Variants in ANKRD50 observed in about 807,000 individuals in gnomAD.
The protein encoded by ANKRD50 is ankyrin repeat domain 50.
Under a neutral mutation model 112.0 loss-of-function variants are expected in ANKRD50, and 40 were observed. That is an observed-to-expected ratio of 0.36 (90% CI 0.28 to 0.46). ANKRD50 has a LOEUF of 0.46. Ranked by LOEUF, ANKRD50 falls within the 20% of genes least tolerant of loss-of-function variation. The pLI is 1.00. For synonymous variants in ANKRD50, 613 were observed against 619.1 expected (o/e 0.99, Z 0.15); for missense variants, 1,487 against 1,701.7 (o/e 0.87, Z 2.22).
intron 2 of ANKRD50, among the ~76,000 whole-genome samples, chr4:124,690,190 G>A (rs1280482580): frequency 6.6e-6 from 1 of 152,176 alleles, no homozygotes; most frequent in Non-Finnish European, 1.5e-5. Flanking sequence ...TTTGGAATAT[G>A]CCAAAATGTG....
rs1031335969 is a variant in ANKRD50 at position 124,671,660 on chromosome 4, A to G, written c.1617T>C (p.Asn539=). The G allele has an allele frequency of 6.2e-7, 1 of 1,613,718 alleles. No homozygotes were observed. Among genetic ancestry groups the G allele is most frequent in the Non-Finnish European group, 8.5e-7 (1 of 1,179,858 alleles). Residue 539 remains asparagine (N), a synonymous_variant, in exon 4 of 5, where the codon AAT becomes AAC. Transcript: ENST00000504087. The part of the protein sequence containing the change: ...RTLLDNGASV[N]QCDSNGRTLL... ...ATGTTCTCCCATTTGAATCACACTG[A>G]TTTACTGAAGCTCCATTATCTAATA... is the stretch of plus-strand genomic sequence containing the variant.
chr4:124,705,887 T>C (rs1725494528), intron 2 of ANKRD50, among the ~76,000 whole-genome samples: 1 of 152,044 alleles, frequency 6.6e-6, no homozygotes, highest in Admixed American at 6.6e-5. Context: ...AGTAAAAATA[T>C]AAACATCAAC....
Position 124,698,357 on chromosome 4 carries a change from G to A in ANKRD50, c.512+11643C>T, listed in dbSNP as rs184271886. 5.9e-4 allele frequency among the ~76,000 whole-genome samples: 90 copies of A among 151,430 alleles called. 1 individual carries two copies. Among genetic ancestry groups the A allele is most frequent in the Admixed American group, 3.1e-3 (47 of 15,214 alleles). ...GATGTTCTCTTCTAAATATACATAC[G>A]TGTGTGTGTATATATATGTTATTTA... On this transcript the variant is annotated intron_variant, in intron 2 of 4. Coordinates refer to ENST00000504087, the MANE Select transcript of ANKRD50 (RefSeq NM_020337.3).
chr4:124,708,978 A>G (rs1181840944), intron 2 of ANKRD50, among the ~76,000 whole-genome samples: 1 of 151,016 alleles, frequency 6.6e-6, no homozygotes, highest in East Asian at 2.0e-4. Flanking sequence ...ACCCCATTAG[A>G]TTTGAGGATA....
At position 124,669,204 on chromosome 4, in the gene ANKRD50, C is replaced by A; in HGVS notation, c.4073G>T (p.Arg1358Ile). 1 of 1,613,642 alleles carries A rather than the reference C, an allele frequency of 6.2e-7. No homozygotes were observed. Among genetic ancestry groups the A allele is most frequent in the Non-Finnish European group, 8.5e-7 (1 of 1,179,774 alleles). Residue 1358 changes from arginine (R) to isoleucine (I), a missense_variant, in exon 4 of 5, where the codon AGA (arginine) becomes ATA (isoleucine). Physicochemically the swap from Arg to Ile is moderately conservative, Grantham distance 97. This residue lies in a region of ANKRD50 where 441 missense variants were observed against 432.2 expected (regional missense o/e 1.02). Transcript: ENST00000504087. ...IHQQSGEQKK[R>I]NGIMTNPNYH... ...ATTTGGATTTGTCATTATTCCATTT[C>A]TCTTCTTCTGTTCCCCACTTTGTTG...
intron 2 of ANKRD50, among the ~76,000 whole-genome samples, chr4:124,704,736 T>C (rs979261506): frequency 1.3e-5 from 2 of 152,156 alleles, no homozygotes; most frequent in African/African-American, 4.8e-5. Flanking sequence ...AATTCATCAG[T>C]CATGAATAAC....
chr4:124,710,705 G>A lies in ANKRD50; in HGVS notation c.-194C>T. 1 of 663,414 alleles carries A rather than the reference G, an allele frequency of 1.5e-6. No homozygotes were observed. Among genetic ancestry groups the A allele is most frequent in the Non-Finnish European group, 2.5e-6 (1 of 395,716 alleles). The allele number at this position is 663,414 out of a possible 1,614,324, so 41.1% of individuals were successfully genotyped here. A position where few individuals can be genotyped will look rare whatever the true frequency, so the allele number is the denominator to read the frequency against. Reference sequence around the variant, plus strand: ...TTTGGTTCCTTATTCTTGATCAGCAGTCTATGTATTAGTTGTTGAACTGAG... The same window carrying A: ...TTTGGTTCCTTATTCTTGATCAGCAATCTATGTATTAGTTGTTGAACTGAG... On this transcript the variant is annotated 5_prime_UTR_variant, in exon 2 of 5. Transcript: ENST00000504087.
Position 124,670,909 on chromosome 4 carries a change from A to C in ANKRD50, c.2368T>G (p.Ser790Ala). 6.2e-7 allele frequency: 1 copy of C among 1,613,846 alleles called. No individual in the cohort carries two copies. The highest frequency in any genetic ancestry group is 1.1e-5 in the South Asian group (1 of 91,076). ...NGRTPLLAAA[S>A]MGHASVVNTL... The stretch of plus-strand genomic sequence containing the variant: ...TTTACAACTGATGCATGACCCATAG[A>C]CGCTGCTGCTAAGAGGGGTGTACGG... Residue 790 changes from serine to alanine, a missense_variant, in exon 4 of 5, where the codon TCT becomes GCT. Coordinates refer to ENST00000504087, the MANE Select transcript of ANKRD50 (RefSeq NM_020337.3).
rs1441201637 is a variant in ANKRD50 at position 124,664,825 on chromosome 4, T to C, written c.*2693A>G. The stretch of plus-strand genomic sequence containing the variant: ...AACAAAGAACAAAAATTATTGGCTG[T>C]ACTTTGCAGTACGCACTGATTTCAG... On this transcript the variant is annotated 3_prime_UTR_variant, in exon 5 of 5. Coordinates refer to ENST00000504087, the MANE Select transcript of ANKRD50 (RefSeq NM_020337.3). The C allele has an allele frequency of 6.6e-6, 1 of 152,020 alleles. No individual in the cohort carries two copies. The highest frequency in any genetic ancestry group is 1.5e-5 in the Non-Finnish European group (1 of 67,896). 9.4% of individuals were successfully genotyped at this position (152,020 alleles called of 1,614,324 possible).
intron 2 of ANKRD50, among the ~76,000 whole-genome samples, chr4:124,692,173 A>C (rs1725153797): frequency 6.6e-6 from 1 of 152,224 alleles, no homozygotes; most frequent in Non-Finnish European, 1.5e-5. Flanking sequence ...TTCCAAAATC[A>C]AACAAAATAT....
At position 124,678,916 on chromosome 4, in the gene ANKRD50, C is replaced by T. The variant is rs1389925739; in HGVS notation, c.513-11G>A. On this transcript the variant is annotated splice_polypyrimidine_tract_variant and intron_variant, in intron 2 of 4. Transcript: ENST00000504087. ...GGGAGTAGAACACACCTGTAAAACA[C>T]ATACACATGAGCATTTTGAATGTTA... 2.5e-5 allele frequency: 39 copies of T among 1,562,926 alleles called. No homozygotes were observed. Among genetic ancestry groups the T allele is most frequent in the Non-Finnish European group, 3.3e-5 (37 of 1,135,990 alleles).
chr4:124,674,537 A>C (rs1292109792), intron 3 of ANKRD50, among the ~76,000 whole-genome samples: 1 of 151,958 alleles, frequency 6.6e-6, no homozygotes, highest in Non-Finnish European at 1.5e-5. Context: ...AAAGCTCAGA[A>C]AGGCTAAATA....
rs545067928 is a variant in ANKRD50 at position 124,676,275 on chromosome 4, GGTTT to G, written c.742+2397_742+2400del. Among the ~76,000 whole-genome samples the G allele has an allele frequency of 5.9e-5, 9 of 151,366 alleles. No individual in the cohort carries two copies. The East Asian group carries it at 1.7e-3, about 29-fold the overall frequency. ...TTTATCAAAATCTTAATAATTTTTTGGTTTATATCACTGACAGTTATAATTTAAA... is the reference window on the plus strand; with the variant it reads ...TTTATCAAAATCTTAATAATTTTTTGATATCACTGACAGTTATAATTTAAA... On this transcript the variant is annotated intron_variant, in intron 3 of 4. Transcript: ENST00000504087.
In ANKRD50 at chr4:124,665,593, A is replaced by C. The variant is rs576074094; in HGVS notation, c.*1925T>G. ...AGATATGAGTAAAGTTGGTTCTAATAATAGTATGTGTTCATATTTATTAAT... is the reference window on the plus strand; with the variant it reads ...AGATATGAGTAAAGTTGGTTCTAATCATAGTATGTGTTCATATTTATTAAT... On this transcript the variant is annotated 3_prime_UTR_variant, in exon 5 of 5. Transcript: ENST00000504087. The C allele has an allele frequency of 6.6e-6, 1 of 152,540 alleles. No individual in the cohort carries two copies. Among genetic ancestry groups the C allele is most frequent in the East Asian group, 1.9e-4 (1 of 5,164 alleles). 9.4% of individuals were successfully genotyped at this position (152,540 alleles called of 1,614,324 possible). A position where few individuals can be genotyped will look rare whatever the true frequency, so the allele number is the denominator to read the frequency against.
At chr4:124,709,750 T>C (rs1725586400) in intron 2 of ANKRD50, among the ~76,000 whole-genome samples, 1 of 152,174 alleles carries the variant, frequency 6.6e-6, no homozygotes, top group South Asian at 2.1e-4. Flanking sequence ...GCAATGTAAG[T>C]AACATTATGT....
chr4:124,670,476 C>G lies in ANKRD50; in HGVS notation c.2801G>C (p.Ser934Thr), dbSNP rs1730614710. ...GHRDIVELLF[S>T]HGADVNCKDA... is the part of the protein sequence containing the mutation. ...TTTGCAGTTAACATCAGCACCATGGCTAAAAAGCAATTCAACAATGTCCCT... is the reference window on the plus strand; with the variant it reads ...TTTGCAGTTAACATCAGCACCATGGGTAAAAAGCAATTCAACAATGTCCCT... The change falls in exon 4 of 5, where the codon AGC (serine) becomes ACC (threonine). Residue 934 changes from serine (S) to threonine (T), a missense_variant. Transcript: ENST00000504087. 1 of 1,613,842 alleles carries G rather than the reference C, an allele frequency of 6.2e-7. No individual in the cohort carries two copies. The highest frequency in any genetic ancestry group is 8.5e-7 in the Non-Finnish European group (1 of 1,179,868).
intron 2 of ANKRD50, among the ~76,000 whole-genome samples, chr4:124,686,783 C>T (rs1481087465): frequency 6.6e-6 from 1 of 152,048 alleles, no homozygotes; most frequent in Admixed American, 6.5e-5. Context: ...TGAGAAAATC[C>T]ACCTGGAAAA....
intron 3 of ANKRD50, among the ~76,000 whole-genome samples, chr4:124,677,904 TAA>T (rs1418175627): frequency 1.3e-5 from 2 of 152,072 alleles, no homozygotes; most frequent in Non-Finnish European, 1.5e-5. Context: ...AATGCTACGT[TAA>T]GTGTTAGCTA....
In ANKRD50 at chr4:124,669,663, G is replaced by A. The variant is rs1240466720; in HGVS notation, c.3614C>T (p.Pro1205Leu). 2 of 1,612,870 alleles carry A rather than the reference G, an allele frequency of 1.2e-6. No individual in the cohort carries two copies. Among genetic ancestry groups the A allele is most frequent in the Non-Finnish European group, 1.7e-6 (2 of 1,179,676 alleles). Residue 1205 changes from proline to leucine, a missense_variant, in exon 4 of 5, where the codon CCA (proline) becomes CTA (leucine). Pro to Leu is a moderately conservative substitution (Grantham distance 98). Transcript: ENST00000504087. The stretch of plus-strand genomic sequence containing the variant: ...TGACAAGTTATGAAAGCTATCAATT[G>A]GCACTGTTTGAGCCGTTGCTGTAGA... Reference protein sequence around the residue: ...TSSTATAQTVPIDSFHNLSFT... With the variant: ...TSSTATAQTVLIDSFHNLSFT...
Sources: allele counts gnomAD v4.1 joint callset (sites outside exome capture counted in the v4.1 genomes callset), GRCh38; gene constraint gnomAD v4.1.1; regional missense constraint gnomAD v4.1.1; transcripts MANE v1.5; gene names NCBI Gene and HGNC (gene_info 2026-07-23, HGNC 2026-07-21).